Variants in ASPRV1 observed in about 807,000 individuals in gnomAD.
The protein encoded by ASPRV1 is aspartic peptidase retroviral like 1.
A neutral mutation model predicts 11.0 loss-of-function variants in ASPRV1; 7 were observed. The ratio of observed to expected loss-of-function variants is 0.64; its 90% CI spans 0.36 to 1.20. The LOEUF (loss-of-function observed/expected upper bound fraction) is 1.20, where lower values mean the gene tolerates loss of function less well. Among genes scored for constraint, ASPRV1 ranks in the 50% most tolerant of loss-of-function variants. The pLI, the probability that ASPRV1 is intolerant of heterozygous loss-of-function variation, is 0.02. For missense variants in ASPRV1, 299 were observed against 320.0 expected (o/e 0.93, Z 0.50); for synonymous variants, 136 against 138.4 (o/e 0.98, Z 0.12).
chr2:70,029,498 G>A, the ASPRV1 span, among the ~76,000 whole-genome samples: 5 of 152,034 alleles, frequency 3.3e-5, no homozygotes, highest in Non-Finnish European at 5.9e-5. Context: ...AATGAGCCAG[G>A]CGTGGTGGTG....
the ASPRV1 span, among the ~76,000 whole-genome samples, chr2:70,052,275 A>C: frequency 4.1e-4 from 63 of 152,306 alleles, no homozygotes; most frequent in African/African-American, 1.4e-3. Context: ...AATATTAGAG[A>C]ATAATAGCAG....
the ASPRV1 span, among the ~76,000 whole-genome samples, chr2:69,978,335 T>C: frequency 6.6e-6 from 1 of 152,198 alleles, no homozygotes. Context: ...CACTCATCCC[T>C]GGATAGTTGC....
the ASPRV1 span, among the ~76,000 whole-genome samples, chr2:69,992,992 G>A: frequency 1.3e-5 from 2 of 152,170 alleles, no homozygotes; most frequent in Non-Finnish European, 2.9e-5. Flanking sequence ...AAGAATCCTT[G>A]TCTAAGAAAT....
the ASPRV1 span, among the ~76,000 whole-genome samples, chr2:69,977,238 C>CT: frequency 5.8e-4 from 89 of 152,170 alleles, no homozygotes; most frequent in African/African-American, 2.0e-3. Flanking sequence ...TTTTACTGAA[C>CT]TTTTTTAAAA....
the ASPRV1 span, among the ~76,000 whole-genome samples, chr2:70,026,840 G>GA: frequency 8.9e-4 from 135 of 152,092 alleles, no homozygotes; most frequent in African/African-American, 3.1e-3. Context: ...CACAGAAATA[G>GA]AAAAAACAAC....
At chr2:70,061,152 T>C in the ASPRV1 span, among the ~76,000 whole-genome samples, 5 of 151,952 alleles carry the variant, frequency 3.3e-5, no homozygotes, top group African/African-American at 4.8e-5. Flanking sequence ...TCCCAGCACT[T>C]TGGGAGGCCG....
chr2:69,938,007 A>G, the ASPRV1 span: 3 of 1,301,456 alleles, frequency 2.3e-6, no homozygotes, highest in East Asian at 7.2e-5. Context: ...TTTGCCTCCC[A>G]AAGTGCTGGG....
the ASPRV1 span, among the ~76,000 whole-genome samples, chr2:70,024,930 A>G: frequency 1.3e-5 from 2 of 152,308 alleles, no homozygotes; most frequent in South Asian, 2.1e-4. Context: ...AGGGTGACAG[A>G]TGTCATAGCT....
the ASPRV1 span, among the ~76,000 whole-genome samples, chr2:70,026,646 A>G: frequency 3.3e-5 from 5 of 152,128 alleles, no homozygotes; most frequent in Middle Eastern, 3.2e-3. Context: ...AAATTTAACC[A>G]AAGTAAAAGA....
At chr2:70,003,512 T>G in the ASPRV1 span, among the ~76,000 whole-genome samples, 2 of 152,164 alleles carry the variant, frequency 1.3e-5, no homozygotes, top group Non-Finnish European at 2.9e-5. Flanking sequence ...TGAAGAAAGA[T>G]TCCACACAGC....
the ASPRV1 span, among the ~76,000 whole-genome samples, chr2:70,048,011 A>T: frequency 6.8e-6 from 1 of 146,750 alleles, no homozygotes; most frequent in African/African-American, 2.5e-5. Context: ...CAGGAGGCTG[A>T]GGCAGGAGAA....
chr2:70,066,044 C>T, the ASPRV1 span, among the ~76,000 whole-genome samples: 22,816 of 151,286 alleles, frequency 0.15, 2,419 homozygotes, highest in Non-Finnish European at 0.23. Context: ...CCCATCTCTA[C>T]TAAAAATAAC....
the ASPRV1 span, chr2:70,046,666 G>C: frequency 1.3e-5 from 2 of 152,172 alleles, no homozygotes; most frequent in African/African-American, 4.8e-5. Flanking sequence ...AACACCCCTG[G>C]GGGAGGGAGG....
At chr2:70,042,909 T>C in the ASPRV1 span, among the ~76,000 whole-genome samples, 1 of 152,222 alleles carries the variant, frequency 6.6e-6, no homozygotes, top group Non-Finnish European at 1.5e-5. Flanking sequence ...GGATCAAAAA[T>C]AAAGTGCTCC....
the ASPRV1 span, among the ~76,000 whole-genome samples, chr2:69,978,144 A>G: frequency 6.6e-6 from 1 of 152,164 alleles, no homozygotes; most frequent in East Asian, 1.9e-4. Flanking sequence ...GTGTGCTGGC[A>G]GTCTTGGGGC....
chr2:70,048,353 T>TTCA, the ASPRV1 span, among the ~76,000 whole-genome samples: 7 of 151,194 alleles, frequency 4.6e-5, no homozygotes, highest in African/African-American at 1.7e-4. Context: ...AAGCAAAGGT[T>TTCA]GCAGTGAGCC....
the ASPRV1 span, chr2:69,938,072 T>C: frequency 1.9e-6 from 3 of 1,608,038 alleles, no homozygotes; most frequent in Non-Finnish European, 2.6e-6. Context: ...TTCATCAATG[T>C]CCTTCTCTCT....
chr2:69,973,180 T>A, the ASPRV1 span, among the ~76,000 whole-genome samples: 1 of 152,222 alleles, frequency 6.6e-6, no homozygotes, highest in East Asian at 1.9e-4. Context: ...TATATACTAC[T>A]CTTTACTGTA....
chr2:70,007,306 T>A, the ASPRV1 span, among the ~76,000 whole-genome samples: 1 of 152,016 alleles, frequency 6.6e-6, no homozygotes, highest in Non-Finnish European at 1.5e-5. Flanking sequence ...TCACCTGAGG[T>A]CAGGAGTCCT....
Sources: allele counts gnomAD v4.1 joint callset (sites outside exome capture counted in the v4.1 genomes callset), GRCh38; gene constraint gnomAD v4.1.1; transcripts MANE v1.5; gene names NCBI Gene and HGNC (gene_info 2026-07-23, HGNC 2026-07-21).